NRG3: variants seen among roughly 807,000 people sequenced by gnomAD.
NRG3 encodes pro-neuregulin-3, membrane-bound isoform.
A neutral mutation model predicts 66.9 loss-of-function variants in NRG3; 31 were observed. The ratio of observed to expected loss-of-function variants is 0.46; its 90% CI spans 0.35 to 0.63. NRG3 has a LOEUF of 0.63. Among genes scored for constraint, NRG3 ranks in the 20% least tolerant of loss-of-function variants. The pLI, the probability that NRG3 is intolerant of heterozygous loss-of-function variation, is 0.00. For missense variants in NRG3, 910 were observed against 878.9 expected, an observed-to-expected ratio of 1.04 and a Z score of -0.45; for synonymous variants, 393 against 359.4, an observed-to-expected ratio of 1.09 and a Z score of -1.06.
intron 1 of NRG3, among the ~76,000 whole-genome samples, chr10:81,893,828 C>T (rs61862898): frequency 2.0e-5 from 3 of 152,074 alleles, no homozygotes; most frequent in African/African-American, 7.2e-5. Context: ...AGGGCTTCAC[C>T]GCAGGCAGTG....
chr10:82,934,052 G>C (rs192446105), intron 4 of NRG3, among the ~76,000 whole-genome samples: 1 of 152,154 alleles, frequency 6.6e-6, no homozygotes, highest in Non-Finnish European at 1.5e-5. Context: ...TCTAGGAACT[G>C]GTTAGTCCTG....
chr10:81,924,266 A>G (rs1846549599), intron 1 of NRG3, among the ~76,000 whole-genome samples: 1 of 152,220 alleles, frequency 6.6e-6, no homozygotes, highest in African/African-American at 2.4e-5. Context: ...TGATGTTTGT[A>G]TTAAGGTAAC....
intron 1 of NRG3, among the ~76,000 whole-genome samples, chr10:82,134,491 C>T (rs2069174240): frequency 6.6e-6 from 1 of 152,056 alleles, no homozygotes; most frequent in Non-Finnish European, 1.5e-5. Context: ...GGCCAGTTAT[C>T]CCAGCATCAT....
rs532699503 is a variant in NRG3 at position 82,901,701 on chromosome 10, G to A, written c.1054+36264G>A. Among the ~76,000 whole-genome samples the A allele has an allele frequency of 1.2e-3, 190 of 152,302 alleles. 2 individuals are homozygous for A. The highest frequency in any genetic ancestry group is 4.4e-3 in the African/African-American group (181 of 41,578). On this transcript the variant is annotated intron_variant, in intron 4 of 8. Transcript: ENST00000372141. ...CACCAGCAGTGATTAGAACACAGTGGGATAAGGTCAAACAGAGCAGCAGAT... is the reference window on the plus strand; with the variant it reads ...CACCAGCAGTGATTAGAACACAGTGAGATAAGGTCAAACAGAGCAGCAGAT...
chr10:82,038,869 T>G (rs1171376085), intron 1 of NRG3, among the ~76,000 whole-genome samples: 1 of 152,008 alleles, frequency 6.6e-6, no homozygotes, highest in East Asian at 1.9e-4. Flanking sequence ...TCTTGAGCAC[T>G]CCACTTGTCC....
At chr10:82,099,028 G>A (rs910162001) in intron 1 of NRG3, among the ~76,000 whole-genome samples, 1 of 152,198 alleles carries the variant, frequency 6.6e-6, no homozygotes, top group African/African-American at 2.4e-5. Flanking sequence ...ACCTCCCAAA[G>A]TGCTGGGATT....
intron 1 of NRG3, among the ~76,000 whole-genome samples, chr10:81,945,006 C>T (rs543457731): frequency 6.6e-6 from 1 of 152,202 alleles, no homozygotes; most frequent in Admixed American, 6.6e-5. Flanking sequence ...ATGGTGCCCA[C>T]CCCTGGGATG....
intron 1 of NRG3, among the ~76,000 whole-genome samples, chr10:81,980,201 A>ATT (rs199971016): frequency 1.4e-5 from 2 of 145,414 alleles, no homozygotes; most frequent in African/African-American, 2.5e-5. Context: ...GGAGTTGGAG[A>ATT]TTTTTTTTTT....
intron 1 of NRG3, among the ~76,000 whole-genome samples, chr10:82,277,855 G>A (rs926561197): frequency 1.3e-5 from 2 of 152,108 alleles, no homozygotes; most frequent in African/African-American, 2.4e-5. Context: ...AAGTGGCATA[G>A]TATCCCTCTG....
intron 2 of NRG3, among the ~76,000 whole-genome samples, chr10:82,667,316 C>T (rs552287341): frequency 8.8e-4 from 134 of 152,238 alleles, no homozygotes; most frequent in Admixed American, 3.0e-3. Flanking sequence ...GTAAACACTG[C>T]CCAGATGTGG....
At chr10:82,630,051 T>G (rs1339384715) in intron 2 of NRG3, among the ~76,000 whole-genome samples, 1 of 152,024 alleles carries the variant, frequency 6.6e-6, no homozygotes, top group African/African-American at 2.4e-5. Flanking sequence ...TCCCCAGCAA[T>G]AAAAGGGGTG....
intron 1 of NRG3, among the ~76,000 whole-genome samples, chr10:82,120,947 T>C (rs2068051095): frequency 6.6e-6 from 1 of 152,130 alleles, no homozygotes; most frequent in South Asian, 2.1e-4. Flanking sequence ...TTTTTTCATT[T>C]GCTGAAATAA....
intron 1 of NRG3, among the ~76,000 whole-genome samples, chr10:82,356,644 T>C (rs1360727970): frequency 6.6e-6 from 1 of 152,214 alleles, no homozygotes; most frequent in East Asian, 1.9e-4. Flanking sequence ...ATGGAAAACA[T>C]AAGTTCCCAT....
intron 2 of NRG3, among the ~76,000 whole-genome samples, chr10:82,584,212 G>A (rs1486830965): frequency 3.9e-5 from 6 of 152,178 alleles, no homozygotes; most frequent in African/African-American, 1.4e-4. Context: ...TCAGCCTCTG[G>A]AGTAGCTGGG....
At chr10:82,662,065 C>T (rs1259232947) in intron 2 of NRG3, among the ~76,000 whole-genome samples, 4 of 152,186 alleles carry the variant, frequency 2.6e-5, no homozygotes, top group Non-Finnish European at 5.9e-5. Context: ...AAGCCAAATG[C>T]CCCTGCCATT....
chr10:82,552,557 T>C (rs546566138), intron 2 of NRG3, among the ~76,000 whole-genome samples: 19 of 152,284 alleles, frequency 1.2e-4, no homozygotes, highest in Middle Eastern at 6.8e-3. Context: ...AAGTATCCTT[T>C]CACAAATTAG....
At chr10:82,704,991 G>C (rs533607447) in intron 2 of NRG3, among the ~76,000 whole-genome samples, 17 of 152,218 alleles carry the variant, frequency 1.1e-4, no homozygotes, top group Admixed American at 8.5e-4. Context: ...TAGAAATCAT[G>C]CAAAAAGTAA....
At chr10:82,533,767 A>C (rs1035195939) in intron 2 of NRG3, among the ~76,000 whole-genome samples, 1 of 152,200 alleles carries the variant, frequency 6.6e-6, no homozygotes. Flanking sequence ...AAAGAAATGA[A>C]AGGCATCCAA....
chr10:82,334,402 T>C (rs1291872805), intron 1 of NRG3, among the ~76,000 whole-genome samples: 1 of 152,134 alleles, frequency 6.6e-6, no homozygotes, highest in Non-Finnish European at 1.5e-5. Context: ...CAATGCAATA[T>C]GATAAGGGCT....
Sources: gnomAD v4.1 joint callset for allele counts (sites outside exome capture counted in the v4.1 genomes callset) on GRCh38, gnomAD v4.1.1 for gene constraint, MANE v1.5 for transcripts, NCBI Gene and HGNC (gene_info 2026-07-23, HGNC 2026-07-21) for gene names.